Variants in ZNF35 observed in about 807,000 individuals in gnomAD.
The protein encoded by ZNF35 is zinc finger protein 35.
Under a neutral mutation model 45.9 loss-of-function variants are expected in ZNF35, and 31 were observed. The observed-to-expected ratio is 0.68, with a 90% CI of 0.51 to 0.91. The LOEUF is 0.91. Ranked by LOEUF, ZNF35 falls within the 40% of genes least tolerant of loss-of-function variation. ZNF35 has a pLI of 0.00. For missense variants in ZNF35, 515 were observed against 625.4 expected (o/e 0.82, Z 1.88); for synonymous variants, 205 against 220.2 (o/e 0.93, Z 0.61).
intron 3 of ZNF35, among the ~76,000 whole-genome samples, chr3:44,657,752 A>G (rs1404508397): frequency 6.6e-6 from 1 of 152,108 alleles, no homozygotes; most frequent in African/African-American, 2.4e-5. Context: ...TGCCATGTAC[A>G]GTTTCTTTTT....
chr3:44,646,527 A>G, upstream of ZNF35: 1 of 1,428,130 alleles, frequency 7.0e-7, no homozygotes, highest in Middle Eastern at 1.8e-4. Context: ...AACAAATAAA[A>G]GACACCACGA....
rs1703104365 is a variant in ZNF35 at position 44,648,814 on chromosome 3, C to G, written c.-148C>G. ...TGCTGCAGAGCCAGTGAACTCAGGT[C>G]GGGCTTCTCAGCTGCGCACAGTGAG... On this transcript the variant is annotated 5_prime_UTR_variant, in exon 1 of 4. Transcript: ENST00000396056. 1 of 152,288 alleles carries G rather than the reference C, an allele frequency of 6.6e-6. No individual in the cohort carries two copies. Among genetic ancestry groups the G allele is most frequent in the Non-Finnish European group, 1.5e-5 (1 of 68,124 alleles). The allele number at this position is 152,288 out of a possible 1,614,324, so 9.4% of individuals were successfully genotyped here. A position where few individuals can be genotyped will look rare whatever the true frequency, so the allele number is the denominator to read the frequency against.
chr3:44,647,335 G>A (rs1339439220), upstream of ZNF35: 1 of 151,826 alleles, frequency 6.6e-6, no homozygotes, highest in Non-Finnish European at 1.5e-5. Flanking sequence ...AAGAGAAACA[G>A]GATCTCATAC....
Position 44,659,393 on chromosome 3 carries a change from A to AC in ZNF35, c.1031dup (p.Arg345Ter). On this transcript the variant is annotated frameshift_variant, in exon 4 of 4. Coordinates refer to ENST00000396056, the MANE Select transcript of ZNF35 (RefSeq NM_003420.4). LOFTEE classifies it high-confidence loss of function. The surrounding 1 kb of genome is among the most constrained non-coding windows in gnomAD (Gnocchi z 4.3). ...ATGTAATGAATGTGGGAAAACATTT[A>AC]CTAGGAGCTCAAACCTCATTGTCCA... is the stretch of plus-strand genomic sequence containing the variant. 6.2e-7 allele frequency: 1 copy of AC among 1,613,436 alleles called. No homozygotes were observed. Among genetic ancestry groups the AC allele is most frequent in the Non-Finnish European group, 8.5e-7 (1 of 1,179,770 alleles).
intron 3 of ZNF35, among the ~76,000 whole-genome samples, chr3:44,656,659 G>T (rs553199999): frequency 4.0e-4 from 59 of 146,050 alleles, no homozygotes; most frequent in African/African-American, 1.5e-3. Context: ...TCCCAAAGTG[G>T]TGGGATTACA....
rs748473497 is a variant in ZNF35 at position 44,651,031 on chromosome 3, C to T, written c.-37C>T. The T allele has an allele frequency of 5.7e-6, 9 of 1,590,868 alleles. No homozygotes were observed. Among genetic ancestry groups the T allele is most frequent in the South Asian group, 3.4e-5 (3 of 89,002 alleles). ...ATGGGGTTTGACCTCTGCAGGGCAG[C>T]GCCCAGCTATAGGAGTTCCCCTGCT... On this transcript the variant is annotated 5_prime_UTR_variant, in exon 2 of 4. Transcript: ENST00000396056.
chr3:44,650,414 C>G (rs1002930197), intron 1 of ZNF35, among the ~76,000 whole-genome samples: 5 of 152,088 alleles, frequency 3.3e-5, no homozygotes, highest in African/African-American at 1.2e-4. Context: ...TTCTTGGGAT[C>G]CTTTTGTTCA....
Position 44,659,091 on chromosome 3 carries a change from T to C in ZNF35, c.728T>C (p.Ile243Thr), listed in dbSNP as rs764518906. ...GCAAACCTCGTTGTGCATCAGCGAA[T>C]CCACACTGGAGAGAAACCCTTTGAA... Reference protein sequence around the residue: ...QSANLVVHQRIHTGEKPFECH... With the variant: ...QSANLVVHQRTHTGEKPFECH... The change falls in exon 4 of 4, where the codon ATC becomes ACC. Residue 243 changes from isoleucine (I) to threonine (T), a missense_variant. Ile to Thr is a moderately conservative substitution (Grantham distance 89). Around this residue, in one of 3 missense-constraint regions of ZNF35, gnomAD observed 275 missense variants for 295.7 expected, o/e 0.93. Transcript: ENST00000396056. The surrounding 1 kb of genome is among the most constrained non-coding windows in gnomAD (Gnocchi z 4.3). 39 of 1,614,046 alleles carry C rather than the reference T, an allele frequency of 2.4e-5. No individual in the cohort carries two copies. The highest frequency in any genetic ancestry group is 2.6e-5 in the Non-Finnish European group (31 of 1,180,040).
intron 1 of ZNF35, among the ~76,000 whole-genome samples, chr3:44,650,478 T>G (rs187913279): frequency 3.3e-5 from 5 of 152,296 alleles, no homozygotes; most frequent in Admixed American, 6.5e-5. Context: ...AATCCTTTTT[T>G]AAAAAATGCT....
chr3:44,650,605 A>G (rs1703183995), intron 1 of ZNF35, among the ~76,000 whole-genome samples: 1 of 152,222 alleles, frequency 6.6e-6, no homozygotes, highest in South Asian at 2.1e-4. Flanking sequence ...TAAATCTTAA[A>G]ATGTATAGTG....
intron 3 of ZNF35, among the ~76,000 whole-genome samples, chr3:44,654,905 G>A (rs1200809659): frequency 2.0e-5 from 3 of 152,140 alleles, no homozygotes; most frequent in Non-Finnish European, 4.4e-5. Flanking sequence ...AGGCGGAGGC[G>A]GGTGAATCAC....
At chr3:44,648,534 G>C (rs1470552677), upstream of ZNF35, 1 of 152,186 alleles carries the variant, frequency 6.6e-6, no homozygotes, top group African/African-American at 2.4e-5. Context: ...CCTCGCCTGA[G>C]TGTCTCATCC....
intron 1 of ZNF35, among the ~76,000 whole-genome samples, chr3:44,650,382 GGT>G (rs1309905360): frequency 6.6e-6 from 1 of 152,036 alleles, no homozygotes; most frequent in African/African-American, 2.4e-5. Flanking sequence ...CTAACACGTT[GGT>G]ATAAAGACTC....
intron 3 of ZNF35, among the ~76,000 whole-genome samples, chr3:44,657,204 C>T (rs769733464): frequency 3.3e-5 from 5 of 152,184 alleles, no homozygotes; most frequent in Non-Finnish European, 7.3e-5. Flanking sequence ...CCCACCCACT[C>T]ATATCATTGG....
In ZNF35 at chr3:44,648,739, G is replaced by T. The variant is rs978785110; in HGVS notation, c.-223G>T. The T allele has an allele frequency of 3.9e-5, 6 of 152,250 alleles. No individual in the cohort carries two copies. Among genetic ancestry groups the T allele is most frequent in the African/African-American group, 1.4e-4 (6 of 41,454 alleles). The allele number at this position is 152,250 out of a possible 1,614,324, so 9.4% of individuals were successfully genotyped here. ...CCCATCCCGAGGCACTTCCTGTCCG[G>T]TCATTGTTCTCGTGCCGGTAGAAGC... On this transcript the variant is annotated 5_prime_UTR_variant, in exon 1 of 4. Coordinates refer to ENST00000396056, the MANE Select transcript of ZNF35 (RefSeq NM_003420.4).
chr3:44,658,682 T>A lies in ZNF35; in HGVS notation c.338-19T>A. 6.5e-7 allele frequency: 1 copy of A among 1,539,564 alleles called. No homozygotes were observed. The highest frequency in any genetic ancestry group is 8.7e-7 in the Non-Finnish European group (1 of 1,151,540). ...GGCCAGAGAAAGCTAACATTTGTATTTTCTGTTTCTTGGTTCAGGTGCTGA... is the reference window on the plus strand; with the variant it reads ...GGCCAGAGAAAGCTAACATTTGTATATTCTGTTTCTTGGTTCAGGTGCTGA... On this transcript the variant is annotated intron_variant, in intron 3 of 3. Transcript: ENST00000396056.
At chr3:44,656,711 A>G (rs1440997670) in intron 3 of ZNF35, among the ~76,000 whole-genome samples, 2 of 127,042 alleles carry the variant, frequency 1.6e-5, no homozygotes, top group African/African-American at 6.0e-5. Context: ...TTTCTTTGAG[A>G]TAGAGTCTTG....
rs1474587653 is a variant in ZNF35, at chr3:44,651,232, C to G, written c.165C>G (p.Gly55=). 6.2e-7 allele frequency: 1 copy of G among 1,613,604 alleles called. No individual in the cohort carries two copies. Reference sequence around the variant, plus strand: ...CCCCAGTGCAGGGTCTTCAGACAGGCCTTGATGGATCAGAAGAGGAAGAAA... The same window carrying G: ...CCCCAGTGCAGGGTCTTCAGACAGGGCTTGATGGATCAGAAGAGGAAGAAA... ...VWAPVQGLQT[G]LDGSEEEEKG... The change falls in exon 2 of 4, where the codon GGC becomes GGG. Residue 55 remains glycine (G), a synonymous_variant. Coordinates refer to ENST00000396056, the MANE Select transcript of ZNF35 (RefSeq NM_003420.4).
In ZNF35 at chr3:44,658,945, G is replaced by A. The variant is rs759924090; in HGVS notation, c.582G>A (p.Gln194=). 7 of 1,613,970 alleles carry A rather than the reference G, an allele frequency of 4.3e-6. No homozygotes were observed. The highest frequency in any genetic ancestry group is 5.9e-6 in the Non-Finnish European group (7 of 1,180,006). The change falls in exon 4 of 4, where the codon CAG becomes CAA. Residue 194 remains glutamine, a synonymous_variant. Coordinates refer to ENST00000396056, the MANE Select transcript of ZNF35 (RefSeq NM_003420.4). ...LPESFKEEEN[Q]KCKKSGGKYS... is the part of the protein sequence containing the mutation. ...AAAGCTTCAAAGAAGAGGAAAACCA[G>A]AAATGTAAGAAATCTGGAGGAAAAT...
Sources: allele counts gnomAD v4.1 joint callset (sites outside exome capture counted in the v4.1 genomes callset), GRCh38; gene constraint gnomAD v4.1.1; regional missense constraint gnomAD v4.1.1; non-coding constraint Gnocchi (gnomAD v3.1); transcripts MANE v1.5; gene names NCBI Gene and HGNC (gene_info 2026-07-23, HGNC 2026-07-21).